Variants in PPT1 observed in about 807,000 individuals in gnomAD.
PPT1 encodes the protein ceroid-palmitoyl-palmitoyl-protein thioesterase 1.
In PPT1, 24 loss-of-function variants were observed where a neutral mutation model predicts 44.0. The observed-to-expected ratio is 0.54, with a 90% CI of 0.39 to 0.77. The LOEUF (loss-of-function observed/expected upper bound fraction) is 0.77. Among genes scored for constraint, PPT1 ranks in the 30% least tolerant of loss-of-function variants. PPT1 has a pLI of 0.00. For missense variants in PPT1, 341 were observed against 378.8 expected, an observed-to-expected ratio of 0.90 and a Z score of 0.83; for synonymous variants, 148 against 140.2, an observed-to-expected ratio of 1.06 and a Z score of -0.39.
At chr1:40,077,897 G>A (rs1243241655) in intron 7 of PPT1, among the ~76,000 whole-genome samples, 1 of 152,228 alleles carries the variant, frequency 6.6e-6, no homozygotes, top group African/African-American at 2.4e-5. Flanking sequence ...GGAAAATGGG[G>A]TGAAGCCAGA....
At chr1:40,071,638 C>T (rs1260393347), downstream of PPT1, 4 of 725,514 alleles carry the variant, frequency 5.5e-6, no homozygotes, top group East Asian at 1.1e-4. Context: ...CTTAAAACTG[C>T]TTCTCTGCTC....
At position 40,076,394 on chromosome 1, in the gene PPT1, G is replaced by T. The variant is rs61781912; in HGVS notation, c.798+448C>A. 2.0e-5 allele frequency among the ~76,000 whole-genome samples: 3 copies of T among 152,194 alleles called. No homozygotes were observed. The East Asian group carries it at 5.8e-4, about 29-fold the overall frequency. ...GCAGGAGAATTGCTTGAATCTGGGA[G>T]GCAGGGGTTGCAGTGAGCCAAGATT... On this transcript the variant is annotated intron_variant, in intron 8 of 8. Transcript: ENST00000642050.
At chr1:40,091,438 T>C (rs1289410905) in intron 3 of PPT1, 39 bp from the exon 4 acceptor site, 2 of 1,522,824 alleles carry the variant, frequency 1.3e-6, no homozygotes, top group East Asian at 2.3e-5. Context: ...GACTGTCAGA[T>C]GGAAATGTAT....
intron 1 of PPT1, chr1:40,094,026 CA>C (rs1557715175): frequency 8.6e-6 from 6 of 694,030 alleles, no homozygotes; most frequent in Admixed American, 2.4e-5. Flanking sequence ...GACCCTGTCT[CA>C]AAAAAACCAA....
At chr1:40,088,229 C>A (rs908117811) in intron 5 of PPT1, among the ~76,000 whole-genome samples, 3 of 151,970 alleles carry the variant, frequency 2.0e-5, no homozygotes, top group Non-Finnish European at 4.4e-5. Flanking sequence ...CTGCAAGCTC[C>A]GCCTCCCGGG....
intron 4 of PPT1, among the ~76,000 whole-genome samples, chr1:40,090,355 T>C (rs1040127075): frequency 1.1e-4 from 16 of 152,128 alleles, no homozygotes; most frequent in African/African-American, 3.9e-4. Context: ...TATATGTGTG[T>C]GTGTATATAT....
At chr1:40,090,998 G>A (rs1025060150) in intron 4 of PPT1, among the ~76,000 whole-genome samples, 9 of 152,252 alleles carry the variant, frequency 5.9e-5, no homozygotes, top group African/African-American at 2.2e-4. Flanking sequence ...AATTCAAGAG[G>A]ATACCACCAA....
At position 40,092,107 on chromosome 1, in the gene PPT1, A is replaced by G; in HGVS notation, c.300T>C (p.Ala100=). The change falls in exon 3 of 9, where the codon GCT becomes GCC. Residue 100 remains alanine, a synonymous_variant. Coordinates refer to ENST00000642050, the MANE Select transcript of PPT1 (RefSeq NM_000310.4). ...AGCCTTGCTGCAATTTAGGATCCTT[A>G]GCAAGTGCCTGACACACTGTTGTTA... The part of the protein sequence containing the change: ...SQVTTVCQAL[A]KDPKLQQGYN... 6.2e-7 allele frequency: 1 copy of G among 1,614,166 alleles called. No homozygotes were observed. The highest frequency in any genetic ancestry group is 2.2e-5 in the East Asian group (1 of 44,884).
intron 5 of PPT1, among the ~76,000 whole-genome samples, chr1:40,088,643 A>C (rs938355043): frequency 1.3e-5 from 2 of 152,090 alleles, no homozygotes; most frequent in African/African-American, 2.4e-5. Flanking sequence ...TTCTGGCTTC[A>C]AGCAATCCTC....
At chr1:40,082,677 T>A (rs1268722468) in intron 5 of PPT1, among the ~76,000 whole-genome samples, 1 of 152,140 alleles carries the variant, frequency 6.6e-6, no homozygotes. Flanking sequence ...GGTTGGTTTG[T>A]AAGGTTCAAG....
chr1:40,095,936 G>A (rs1173221423), intron 1 of PPT1, among the ~76,000 whole-genome samples: 2 of 152,112 alleles, frequency 1.3e-5, no homozygotes, highest in African/African-American at 4.8e-5. Flanking sequence ...GTCTTACTAG[G>A]CCCAATAACT....
At chr1:40,087,983 T>C (rs995186110) in intron 5 of PPT1, among the ~76,000 whole-genome samples, 1 of 152,142 alleles carries the variant, frequency 6.6e-6, no homozygotes, top group African/African-American at 2.4e-5. Flanking sequence ...GGTTACAACA[T>C]GAGTCAGTCA....
intron 1 of PPT1, among the ~76,000 whole-genome samples, chr1:40,095,596 C>T (rs1649803803): frequency 6.6e-6 from 1 of 152,102 alleles, no homozygotes; most frequent in African/African-American, 2.4e-5. Context: ...TTCACCCTTC[C>T]AATTGTTCAG....
chr1:40,080,901 C>T (rs2124475088), intron 5 of PPT1, among the ~76,000 whole-genome samples: 2 of 152,190 alleles, frequency 1.3e-5, no homozygotes, highest in East Asian at 3.9e-4. Context: ...GGCCAAAGCC[C>T]TCAAGTCCCA....
At chr1:40,089,724 G>C in intron 4 of PPT1, 2 of 642,028 alleles carry the variant, frequency 3.1e-6, no homozygotes, top group Non-Finnish European at 2.9e-6. Context: ...CTTTTTACCT[G>C]CTCATCCCTG....
chr1:40,096,520 C>T (rs536525983), intron 1 of PPT1, among the ~76,000 whole-genome samples: 2 of 151,844 alleles, frequency 1.3e-5, no homozygotes, highest in African/African-American at 4.8e-5. Flanking sequence ...ATGGGTTGCA[C>T]AAAATTATTT....
In PPT1 at chr1:40,076,826, A is replaced by G; in HGVS notation, c.798+16T>C. 6.2e-7 allele frequency: 1 copy of G among 1,613,996 alleles called. No homozygotes were observed. The highest frequency in any genetic ancestry group is 8.5e-7 in the Non-Finnish European group (1 of 1,179,960). On this transcript the variant is annotated intron_variant, in intron 8 of 8. Coordinates refer to ENST00000642050, the MANE Select transcript of PPT1 (RefSeq NM_000310.4). The stretch of plus-strand genomic sequence containing the variant: ...AAAAAACACCAACCTCCCAAGATAG[A>G]CTCCCTGCCAGTTACCTGTGTGTAC...
chr1:40,091,795 G>A (rs1339445080), intron 3 of PPT1, among the ~76,000 whole-genome samples: 1 of 151,472 alleles, frequency 6.6e-6, no homozygotes, highest in African/African-American at 2.4e-5. Context: ...AACCTGGGAC[G>A]TGGAGGTTGC....
intron 5 of PPT1, among the ~76,000 whole-genome samples, chr1:40,086,849 A>G (rs539606153): frequency 6.6e-6 from 1 of 152,082 alleles, no homozygotes; most frequent in East Asian, 2.0e-4. Context: ...CATGGCTCCC[A>G]ATTCTTGATT....
Sources: allele counts gnomAD v4.1 joint callset (sites outside exome capture counted in the v4.1 genomes callset), GRCh38; gene constraint gnomAD v4.1.1; transcripts MANE v1.5; gene names NCBI Gene and HGNC (gene_info 2026-07-23, HGNC 2026-07-21).